Variants in TP63 observed in about 807,000 individuals in gnomAD.
TP63 encodes tumor protein 63.
A neutral mutation model predicts 82.8 loss-of-function variants in TP63; 17 were observed. The ratio of observed to expected loss-of-function variants is 0.21; its 90% confidence interval spans 0.14 to 0.31. The LOEUF (loss-of-function observed/expected upper bound fraction) is 0.31, where lower values mean the gene tolerates loss of function less well. Among genes scored for constraint, TP63 ranks in the 10% least tolerant of loss-of-function variants. TP63 has a pLI of 1.00. For missense variants in TP63, 648 were observed against 895.3 expected, an observed-to-expected ratio of 0.72 and a Z score of 3.52; for synonymous variants, 330 against 321.7, an observed-to-expected ratio of 1.03 and a Z score of -0.28.
At chr3:189,893,856 T>C (rs1274013121) in intron 13 of TP63, among the ~76,000 whole-genome samples, 1 of 152,206 alleles carries the variant, frequency 6.6e-6, no homozygotes, top group Non-Finnish European at 1.5e-5. Flanking sequence ...AATACCTTTC[T>C]TCTAGTGACT....
At chr3:189,644,446 C>T (rs997055405) in intron 1 of TP63, among the ~76,000 whole-genome samples, 6 of 152,168 alleles carry the variant, frequency 3.9e-5, no homozygotes, top group Admixed American at 2.0e-4. Flanking sequence ...CCTACTAGAC[C>T]CTACTACTTA....
chr3:189,793,429 A>G (rs1725365493), intron 3 of TP63, among the ~76,000 whole-genome samples: 5 of 152,106 alleles, frequency 3.3e-5, no homozygotes, highest in Admixed American at 3.3e-4. Context: ...TTCTGAATGC[A>G]AAGTTGCTAA....
At chr3:189,843,489 T>TA (rs1486981416) in intron 4 of TP63, among the ~76,000 whole-genome samples, 2 of 152,062 alleles carry the variant, frequency 1.3e-5, no homozygotes, top group African/African-American at 2.4e-5. Flanking sequence ...AGGATTTTTT[T>TA]AAAAAAATGA....
At chr3:189,876,608 AG>A (rs760838690) in intron 10 of TP63, among the ~76,000 whole-genome samples, 1 of 150,764 alleles carries the variant, frequency 6.6e-6, no homozygotes, top group Non-Finnish European at 1.5e-5. Flanking sequence ...GAAATCTAAC[AG>A]ACTGCAAAAT....
intron 4 of TP63, among the ~76,000 whole-genome samples, chr3:189,853,079 C>A (rs1715853644): frequency 6.6e-6 from 1 of 152,094 alleles, no homozygotes; most frequent in Non-Finnish European, 1.5e-5. Context: ...TTTCTTATCC[C>A]AGCCAGTTCA....
At chr3:189,843,957 G>C (rs1308728189) in intron 4 of TP63, among the ~76,000 whole-genome samples, 1 of 152,148 alleles carries the variant, frequency 6.6e-6, no homozygotes, top group East Asian at 1.9e-4. Context: ...AGGATGATCA[G>C]TTGCCTCTTG....
At chr3:189,741,159 A>G (rs983597573) in intron 3 of TP63, among the ~76,000 whole-genome samples, 13 of 151,920 alleles carry the variant, frequency 8.6e-5, no homozygotes, top group African/African-American at 3.1e-4. Context: ...GTGAGAAAGA[A>G]TTTAACTGAA....
At chr3:189,650,611 T>C (rs1712808182) in intron 1 of TP63, among the ~76,000 whole-genome samples, 1 of 147,324 alleles carries the variant, frequency 6.8e-6, no homozygotes, top group Non-Finnish European at 1.5e-5. Context: ...ATGCATTTGC[T>C]TCCCATTCTG....
rs59641946 is a variant in TP63 at position 189,674,086 on chromosome 3, T to G, written c.62+42509T>G. Among the ~76,000 whole-genome samples the G allele has an allele frequency of 8.3e-3, 1,260 of 152,240 alleles. 24 individuals are homozygous for G. The highest frequency in any genetic ancestry group is 0.029 in the African/African-American group (1,202 of 41,548). On this transcript the variant is annotated intron_variant, in intron 1 of 13. Coordinates refer to ENST00000264731, the MANE Select transcript of TP63 (RefSeq NM_003722.5). ...GTGAGAAATCCAGGCTTATTTAGCC[T>G]TTTATTTACTAATAAATTCTGAAGA...
intron 3 of TP63, among the ~76,000 whole-genome samples, chr3:189,774,606 T>C (rs574134520): frequency 2.0e-5 from 3 of 152,334 alleles, no homozygotes; most frequent in Admixed American, 1.3e-4. Context: ...TTTCCCACTT[T>C]ATAATTTATA....
chr3:189,685,896 C>T (rs1397490096), intron 1 of TP63, among the ~76,000 whole-genome samples: 1 of 152,018 alleles, frequency 6.6e-6, no homozygotes, highest in Non-Finnish European at 1.5e-5. Flanking sequence ...ATCTGAGAAA[C>T]AAATGAACAA....
intron 3 of TP63, among the ~76,000 whole-genome samples, chr3:189,776,347 G>A (rs961837542): frequency 2.0e-5 from 3 of 152,084 alleles, no homozygotes; most frequent in South Asian, 2.1e-4. Context: ...GAGACAGAGC[G>A]CTTCCTCCTT....
intron 3 of TP63, among the ~76,000 whole-genome samples, chr3:189,806,842 C>G (rs1726968521): frequency 6.6e-6 from 1 of 151,840 alleles, no homozygotes; most frequent in Non-Finnish European, 1.5e-5. Flanking sequence ...GCTTCCTGGA[C>G]TGAATGGAAT....
chr3:189,634,394 G>T (rs930829836), intron 1 of TP63, among the ~76,000 whole-genome samples: 1 of 151,912 alleles, frequency 6.6e-6, no homozygotes, highest in Non-Finnish European at 1.5e-5. Context: ...AAATGTTAAT[G>T]CCATTCCAAA....
At chr3:189,841,873 G>A (rs1408377864) in intron 4 of TP63, among the ~76,000 whole-genome samples, 2 of 152,188 alleles carry the variant, frequency 1.3e-5, no homozygotes, top group Admixed American at 1.3e-4. Flanking sequence ...ACGACTTTGG[G>A]TGCCACTGCG....
At chr3:189,669,559 G>C (rs999497618) in intron 1 of TP63, among the ~76,000 whole-genome samples, 1 of 151,974 alleles carries the variant, frequency 6.6e-6, no homozygotes, top group East Asian at 1.9e-4. Flanking sequence ...TGTAAAGTGG[G>C]TTTATAAAAT....
intron 3 of TP63, among the ~76,000 whole-genome samples, chr3:189,775,458 C>T (rs1267571123): frequency 3.3e-5 from 5 of 152,176 alleles, no homozygotes; most frequent in Non-Finnish European, 7.3e-5. Flanking sequence ...ACCTTCCACA[C>T]AGCTACCTAG....
chr3:189,821,418 G>A (rs1728781385), intron 4 of TP63, among the ~76,000 whole-genome samples: 1 of 152,190 alleles, frequency 6.6e-6, no homozygotes, highest in African/African-American at 2.4e-5. Context: ...CAGAGCCAGA[G>A]AGAAAGAAAT....
chr3:189,614,883 G>C, the TP63 span, among the ~76,000 whole-genome samples: 1 of 152,150 alleles, frequency 6.6e-6, no homozygotes, highest in East Asian at 1.9e-4. Context: ...AGCTATAAAA[G>C]AAAGGCTGTG....
Sources: gnomAD v4.1 joint callset for allele counts (sites outside exome capture counted in the v4.1 genomes callset) on GRCh38, gnomAD v4.1.1 for gene constraint, MANE v1.5 for transcripts, NCBI Gene and HGNC (gene_info 2026-07-23, HGNC 2026-07-21) for gene names.